Variants in SPAG9 observed in about 807,000 individuals in gnomAD.
The protein encoded by SPAG9 is C-Jun-amino-terminal kinase-interacting protein 4.
SPAG9 carries 35 observed loss-of-function variants against 166.5 expected under a neutral mutation model. The ratio of observed to expected loss-of-function variants is 0.21; its 90% CI spans 0.16 to 0.28. The LOEUF is 0.28. Ranked by LOEUF, SPAG9 falls within the 10% of genes least tolerant of loss-of-function variation. SPAG9 has a pLI of 1.00. For missense variants in SPAG9, 1,235 were observed against 1,603.3 expected (o/e 0.77, Z 3.92); for synonymous variants, 534 against 565.5 (o/e 0.94, Z 0.79).
chr17:51,111,925 A>T (rs1285387002), intron 1 of SPAG9, among the ~76,000 whole-genome samples: 1 of 152,106 alleles, frequency 6.6e-6, no homozygotes, highest in East Asian at 1.9e-4. Context: ...TTTTAACTAA[A>T]TAAAAATATG....
intron 9 of SPAG9, among the ~76,000 whole-genome samples, chr17:51,010,582 A>AAATAT (rs1555638957): frequency 7.7e-5 from 10 of 130,642 alleles, no homozygotes; most frequent in African/African-American, 2.9e-4. Context: ...AAAAAAAAAA[A>AAATAT]ATATATATAT....
intron 1 of SPAG9, among the ~76,000 whole-genome samples, chr17:51,104,789 C>T (rs937582796): frequency 4.0e-5 from 6 of 151,592 alleles, no homozygotes; most frequent in South Asian, 2.1e-4. Flanking sequence ...AAAAATTAGC[C>T]GGGCGTGGTA....
chr17:51,060,191 T>TG (rs996389244), intron 2 of SPAG9, among the ~76,000 whole-genome samples: 1 of 151,796 alleles, frequency 6.6e-6, no homozygotes, highest in Non-Finnish European at 1.5e-5. Context: ...TGACTGCATT[T>TG]GGGGGATAGG....
intron 1 of SPAG9, among the ~76,000 whole-genome samples, chr17:51,105,273 G>C (rs2048916823): frequency 6.6e-6 from 1 of 152,092 alleles, no homozygotes; most frequent in Non-Finnish European, 1.5e-5. Flanking sequence ...TGGTCACGTA[G>C]GTAAGAGGAA....
chr17:51,089,166 G>A (rs1411840165), intron 1 of SPAG9, among the ~76,000 whole-genome samples: 3 of 151,836 alleles, frequency 2.0e-5, no homozygotes, highest in South Asian at 2.1e-4. Context: ...GCTCATGCCT[G>A]TAATCCTAGC....
intron 3 of SPAG9, among the ~76,000 whole-genome samples, chr17:51,053,854 A>AAATATATATATAT (rs1491529465): frequency 1.7e-4 from 6 of 34,452 alleles, no homozygotes; most frequent in Non-Finnish European, 2.3e-4. Flanking sequence ...AAAAAAAAAA[A>AAATATATATATAT]GTATATATAT....
At chr17:51,040,402 C>T (rs1295316836) in intron 5 of SPAG9, 1 of 152,134 alleles carries the variant, frequency 6.6e-6, no homozygotes, top group Non-Finnish European at 1.5e-5. Context: ...GGGAGAAAAG[C>T]TATCAAATAT....
intron 6 of SPAG9, among the ~76,000 whole-genome samples, chr17:51,023,878 C>G (rs879715842): frequency 6.6e-6 from 1 of 152,226 alleles, no homozygotes; most frequent in Non-Finnish European, 1.5e-5. Context: ...GCTGCCCAGG[C>G]TGGTCTCAGA....
At position 51,120,211 on chromosome 17, in the gene SPAG9, C is replaced by T. The variant is rs2049435958; in HGVS notation, c.303+143G>A. On this transcript the variant is annotated intron_variant, in intron 1 of 29. Coordinates refer to ENST00000262013, the MANE Select transcript of SPAG9 (RefSeq NM_001130528.3). This position sits in a 1 kb window ranked among gnomAD's most constrained non-coding sequence, Gnocchi z 4.7. ...TGGCTCCCGGGGTACCTGGAGGCCG[C>T]CGGGATCGGTCCCAGGGGGCATCGG... 1 of 646,988 alleles carries T rather than the reference C, an allele frequency of 1.5e-6. No individual in the cohort carries two copies. Among genetic ancestry groups the T allele is most frequent in the Non-Finnish European group, 2.3e-6 (1 of 428,238 alleles). The allele number at this position is 646,988 out of a possible 1,614,324, so 40.1% of individuals were successfully genotyped here.
At chr17:50,975,821 T>A in intron 27 of SPAG9, 1 of 1,489,040 alleles carries the variant, frequency 6.7e-7, no homozygotes, top group Non-Finnish European at 9.1e-7. Flanking sequence ...CAGTGGCTAT[T>A]AGAAGCCAGG....
At chr17:51,116,057 C>A (rs549510793) in intron 1 of SPAG9, among the ~76,000 whole-genome samples, 1 of 147,068 alleles carries the variant, frequency 6.8e-6, no homozygotes, top group African/African-American at 2.5e-5. Flanking sequence ...TTTCTTTTTT[C>A]TTTTTTGAGA....
At chr17:50,975,889 T>C in intron 27 of SPAG9, 1 of 1,535,550 alleles carries the variant, frequency 6.5e-7, no homozygotes, top group Non-Finnish European at 8.7e-7. Flanking sequence ...ACGTCCCTGG[T>C]GGAGGATTAC....
chr17:51,110,495 A>G (rs750530691), intron 1 of SPAG9, among the ~76,000 whole-genome samples: 6 of 151,220 alleles, frequency 4.0e-5, no homozygotes, highest in Non-Finnish European at 7.4e-5. Flanking sequence ...ATTCGAGACC[A>G]GCCTGGGCAA....
chr17:51,095,687 GATAT>G (rs895790025), intron 1 of SPAG9, among the ~76,000 whole-genome samples: 1 of 146,422 alleles, frequency 6.8e-6, no homozygotes, highest in Non-Finnish European at 1.5e-5. Context: ...TATATATAGT[GATAT>G]ATATATAGTG....
intron 1 of SPAG9, among the ~76,000 whole-genome samples, chr17:51,094,265 T>G (rs2048552325): frequency 6.6e-6 from 1 of 152,180 alleles, no homozygotes; most frequent in South Asian, 2.1e-4. Context: ...ACATGAAGGA[T>G]AATTAAGAAT....
At chr17:51,015,760 A>G (rs1223610968) in intron 8 of SPAG9, among the ~76,000 whole-genome samples, 3 of 152,066 alleles carry the variant, frequency 2.0e-5, no homozygotes, top group Non-Finnish European at 4.4e-5. Flanking sequence ...AGCAATTAGT[A>G]TAAAATAAAA....
chr17:51,059,726 G>A (rs1055654353), intron 2 of SPAG9, among the ~76,000 whole-genome samples: 1 of 151,812 alleles, frequency 6.6e-6, no homozygotes, highest in African/African-American at 2.4e-5. Flanking sequence ...ACAAGATTGC[G>A]CCACTGCAAC....
chr17:50,970,408 G>C (rs1973690208), intron 29 of SPAG9, among the ~76,000 whole-genome samples: 1 of 151,760 alleles, frequency 6.6e-6, no homozygotes, highest in South Asian at 2.1e-4. Flanking sequence ...TAGCTACCTG[G>C]GGGGCTGAAG....
At chr17:51,095,564 T>C (rs984679336) in intron 1 of SPAG9, among the ~76,000 whole-genome samples, 14 of 150,032 alleles carry the variant, frequency 9.3e-5, no homozygotes, top group Non-Finnish European at 1.8e-4. Flanking sequence ...GGCAGAAGAA[T>C]CACTTGAACC....
Sources: allele counts gnomAD v4.1 joint callset (sites outside exome capture counted in the v4.1 genomes callset), GRCh38; gene constraint gnomAD v4.1.1; non-coding constraint Gnocchi (gnomAD v3.1); transcripts MANE v1.5; gene names NCBI Gene and HGNC (gene_info 2026-07-23, HGNC 2026-07-21).